Variants in STXBP4 observed in about 807,000 individuals in gnomAD.
STXBP4 encodes the protein syntaxin-binding protein 4.
Under a neutral mutation model 76.1 loss-of-function variants are expected in STXBP4, and 55 were observed. The observed-to-expected ratio is 0.72, with a 90% CI of 0.58 to 0.91. The LOEUF (loss-of-function observed/expected upper bound fraction) is 0.91, where lower values mean the gene tolerates loss of function less well. Among genes scored for constraint, STXBP4 ranks in the 40% least tolerant of loss-of-function variants. STXBP4 has a pLI of 0.00. For missense variants in STXBP4, 618 were observed against 636.9 expected, an observed-to-expected ratio of 0.97 and a Z score of 0.32; for synonymous variants, 201 against 220.2, an observed-to-expected ratio of 0.91 and a Z score of 0.77.
At chr17:55,057,401 G>A (rs1036264980) in intron 12 of STXBP4, among the ~76,000 whole-genome samples, 3 of 152,162 alleles carry the variant, frequency 2.0e-5, no homozygotes, top group African/African-American at 7.2e-5. Flanking sequence ...GTTAGCAACT[G>A]TATCTATGAT....
downstream of STXBP4, among the ~76,000 whole-genome samples, chr17:55,175,926 A>G (rs1210582227): frequency 1.3e-5 from 2 of 152,202 alleles, no homozygotes; most frequent in East Asian, 1.9e-4. Flanking sequence ...GAGACAATCT[A>G]TAGGTCTCTA....
chr17:54,987,339 A>T (rs1033303561), intron 3 of STXBP4, among the ~76,000 whole-genome samples: 13 of 152,272 alleles, frequency 8.5e-5, no homozygotes, highest in Middle Eastern at 3.4e-3. Flanking sequence ...CATATATATA[A>T]AAATAAATAT....
chr17:54,970,290 C>T (rs1404003943), intron 1 of STXBP4, among the ~76,000 whole-genome samples: 2 of 152,066 alleles, frequency 1.3e-5, no homozygotes, highest in Non-Finnish European at 2.9e-5. Flanking sequence ...TGTGATCTGA[C>T]TCACATTTTT....
At chr17:55,052,730 A>G (rs1044250898) in intron 12 of STXBP4, among the ~76,000 whole-genome samples, 2 of 152,044 alleles carry the variant, frequency 1.3e-5, no homozygotes, top group African/African-American at 4.8e-5. Flanking sequence ...TGTTGATATC[A>G]CCAATGAAGA....
At chr17:54,986,361 T>A in intron 3 of STXBP4, 95 bp downstream of exon 3, 1 of 885,344 alleles carries the variant, frequency 1.1e-6, no homozygotes, top group Non-Finnish European at 1.8e-6. Context: ...TCTAGCTCTC[T>A]AATGTGGTCT....
chr17:55,016,685 C>T (rs960308307), intron 8 of STXBP4, among the ~76,000 whole-genome samples: 1 of 152,202 alleles, frequency 6.6e-6, no homozygotes, highest in Non-Finnish European at 1.5e-5. Flanking sequence ...GGGAGTTCCT[C>T]CTAGGTCTGG....
At chr17:55,207,970 T>C in the STXBP4 span, among the ~76,000 whole-genome samples, 1 of 151,950 alleles carries the variant, frequency 6.6e-6, no homozygotes, top group Non-Finnish European at 1.5e-5. Flanking sequence ...TGCAATTCTT[T>C]TGTAATTAAG....
At chr17:55,020,072 ATTCTC>A (rs2078280421) in intron 8 of STXBP4, among the ~76,000 whole-genome samples, 1 of 152,156 alleles carries the variant, frequency 6.6e-6, no homozygotes, top group Non-Finnish European at 1.5e-5. Flanking sequence ...GTTCTACAAA[ATTCTC>A]AGCTAGCATC....
At position 55,127,751 on chromosome 17, in the gene STXBP4, A is replaced by G. The variant is rs114774877; in HGVS notation, c.1490-13559A>G. Among the ~76,000 whole-genome samples, 1,089 of 152,300 alleles carry G rather than the reference A, an allele frequency of 7.2e-3. 15 individuals carry two copies. Among genetic ancestry groups the G allele is most frequent in the African/African-American group, 0.025 (1,023 of 41,564 alleles). ...ATTTTCAAGCATCCTCTTAAAGGCAAATGTCTTCAGGGATTTTTTATGATT... is the reference window on the plus strand; with the variant it reads ...ATTTTCAAGCATCCTCTTAAAGGCAGATGTCTTCAGGGATTTTTTATGATT... On this transcript the variant is annotated intron_variant, in intron 16 of 17. Transcript: ENST00000376352.
chr17:55,046,724 G>A (rs775611151), intron 11 of STXBP4, among the ~76,000 whole-genome samples: 19 of 151,910 alleles, frequency 1.3e-4, no homozygotes, highest in East Asian at 1.9e-4. Flanking sequence ...TTGTATGGTC[G>A]AAGACCTTTA....
chr17:55,000,533 GC>G (rs1331488673), intron 6 of STXBP4, among the ~76,000 whole-genome samples: 2 of 152,122 alleles, frequency 1.3e-5, no homozygotes, highest in Non-Finnish European at 2.9e-5. Flanking sequence ...TTTTCTGTCA[GC>G]CCCTTATACT....
chr17:55,075,362 C>T (rs2079168958), intron 13 of STXBP4, among the ~76,000 whole-genome samples: 1 of 152,064 alleles, frequency 6.6e-6, no homozygotes, highest in African/African-American at 2.4e-5. Flanking sequence ...AAGTTTTTAG[C>T]TAGTTCGTGT....
intron 16 of STXBP4, among the ~76,000 whole-genome samples, chr17:55,126,942 T>A (rs2145109086): frequency 6.6e-6 from 1 of 152,340 alleles, no homozygotes; most frequent in East Asian, 1.9e-4. Context: ...TACTGCAGCT[T>A]TTTTAATGGG....
chr17:55,034,317 A>G, intron 10 of STXBP4, 58 bp downstream of exon 10: 1 of 1,155,610 alleles, frequency 8.7e-7, no homozygotes, highest in Non-Finnish European at 1.2e-6. Context: ...CTTGAATGTT[A>G]TATGTCATAT....
intron 1 of STXBP4, among the ~76,000 whole-genome samples, chr17:54,980,106 A>G (rs1289179623): frequency 6.6e-6 from 1 of 152,228 alleles, no homozygotes; most frequent in Non-Finnish European, 1.5e-5. Context: ...TAACAAAAAT[A>G]TAACACGTAT....
intron 16 of STXBP4, among the ~76,000 whole-genome samples, chr17:55,097,131 A>C (rs2079497227): frequency 6.6e-6 from 1 of 152,082 alleles, no homozygotes; most frequent in Non-Finnish European, 1.5e-5. Flanking sequence ...TCTTGGGACT[A>C]CACAGTGCTA....
rs913369382 is a variant in STXBP4 at position 55,168,421 on chromosome 17, C to A, written c.*8510C>A. On this transcript the variant is annotated 3_prime_UTR_variant, in exon 18 of 18. Coordinates refer to ENST00000376352, the MANE Select transcript of STXBP4 (RefSeq NM_178509.6). ...CTTAGTTTTTCCAATTAAGACTGTT[C>A]ATTGATTGTATTTCTTCTGTCTCTA... 3 of 151,998 alleles carry A rather than the reference C, an allele frequency of 2.0e-5. No individual in the cohort carries two copies. The highest frequency in any genetic ancestry group is 4.4e-5 in the Non-Finnish European group (3 of 67,978). The allele number at this position is 151,998 out of a possible 1,614,324, so 9.4% of individuals were successfully genotyped here. A position where few individuals can be genotyped will look rare whatever the true frequency, so the allele number is the denominator to read the frequency against.
chr17:55,069,653 G>T (rs1430989336), intron 12 of STXBP4, among the ~76,000 whole-genome samples: 1 of 152,102 alleles, frequency 6.6e-6, no homozygotes, highest in Non-Finnish European at 1.5e-5. Flanking sequence ...CAACCTGACA[G>T]TTACACATTT....
chr17:55,009,953 A>G (rs576143619), intron 8 of STXBP4, among the ~76,000 whole-genome samples: 133 of 152,068 alleles, frequency 8.7e-4, no homozygotes, highest in Non-Finnish European at 1.6e-3. Context: ...TTTGGTTGCT[A>G]CTTTGTAGAC....
Sources: allele counts gnomAD v4.1 joint callset (sites outside exome capture counted in the v4.1 genomes callset), GRCh38; gene constraint gnomAD v4.1.1; transcripts MANE v1.5; gene names NCBI Gene and HGNC (gene_info 2026-07-23, HGNC 2026-07-21).